Variants in ZNF626 observed in about 807,000 individuals in gnomAD.
ZNF626 encodes the protein zinc finger protein 626.
In ZNF626, 4 loss-of-function variants were observed where a neutral mutation model predicts 11.7. That is an observed-to-expected ratio of 0.34 (90% confidence interval 0.17 to 0.78). The LOEUF (loss-of-function observed/expected upper bound fraction) is 0.78. Among genes scored for constraint, ZNF626 ranks in the 30% least tolerant of loss-of-function variants. The probability of loss-of-function intolerance (pLI) is 0.57; values close to 1 mark genes in which losing one functional copy is unlikely to be tolerated. For missense variants in ZNF626, 588 were observed against 587.1 expected, an observed-to-expected ratio of 1.00 and a Z score of -0.01; for synonymous variants, 179 against 198.6, an observed-to-expected ratio of 0.90 and a Z score of 0.83.
chr19:20,633,879 C>T (rs1340228731), intron 3 of ZNF626, among the ~76,000 whole-genome samples: 6 of 152,198 alleles, frequency 3.9e-5, no homozygotes, highest in African/African-American at 9.7e-5. Context: ...TCTTCTATAT[C>T]GCTCACGTTG....
chr19:20,661,302 A>T (rs1568463906), intron 1 of ZNF626, 142 bp downstream of exon 1: 10 of 1,157,094 alleles, frequency 8.6e-6, no homozygotes, highest in Non-Finnish European at 1.3e-5. Context: ...GCTGAACAGG[A>T]CTGAGGCCGA....
intron 3 of ZNF626, among the ~76,000 whole-genome samples, chr19:20,638,601 A>C (rs1969990903): frequency 6.6e-6 from 1 of 152,086 alleles, no homozygotes; most frequent in African/African-American, 2.4e-5. Flanking sequence ...TGAAAATAGT[A>C]ACCACAATTG....
rs368612319 is a variant in ZNF626 at position 20,636,746 on chromosome 19, C to T, written c.226+8938G>A. Among the ~76,000 whole-genome samples, 18 of 152,316 alleles carry T rather than the reference C, an allele frequency of 1.2e-4. No homozygotes were observed. In the East Asian group the frequency reaches 3.3e-3, roughly 28 times the overall value. On this transcript the variant is annotated intron_variant, in intron 3 of 3. Coordinates refer to ENST00000601440, the MANE Select transcript of ZNF626 (RefSeq NM_001076675.3). ...ACAAGATATAATATACAGGGTTGTG[C>T]TCCCTGGCTCACGCCTGTAATCCCA...
intron 3 of ZNF626, among the ~76,000 whole-genome samples, chr19:20,633,072 T>C (rs1229396272): frequency 6.6e-6 from 1 of 152,170 alleles, no homozygotes; most frequent in Non-Finnish European, 1.5e-5. Context: ...TTTGCCTGGG[T>C]ATCAGCAGCG....
Position 20,624,137 on chromosome 19 carries a change from TAAGTTTAG to T in ZNF626, c.*145_*152del. ...CCAGTATGAAATCTCTTATGTGTAGTAAGTTTAGAGGAGTGCTTAAAGGCTTTGCCACA... is the reference window on the plus strand; with the variant it reads ...CCAGTATGAAATCTCTTATGTGTAGTAGGAGTGCTTAAAGGCTTTGCCACA... On this transcript the variant is annotated 3_prime_UTR_variant, in exon 4 of 4. Transcript: ENST00000601440. 8.0e-7 allele frequency: 1 copy of T among 1,251,318 alleles called. No individual in the cohort carries two copies. Among genetic ancestry groups the T allele is most frequent in the African/African-American group, 1.5e-5 (1 of 67,806 alleles). 77.5% of individuals were successfully genotyped at this position (1,251,318 alleles called of 1,614,324 possible).
intron 3 of ZNF626, among the ~76,000 whole-genome samples, chr19:20,641,117 C>G (rs1236209923): frequency 7.5e-6 from 1 of 134,010 alleles, no homozygotes; most frequent in Non-Finnish European, 1.5e-5. Flanking sequence ...GCGTGGGTGA[C>G]AGAGTGAGAC....
intron 1 of ZNF626, among the ~76,000 whole-genome samples, chr19:20,649,905 C>T (rs142380541): frequency 1.2e-4 from 19 of 152,318 alleles, no homozygotes; most frequent in East Asian, 7.7e-4. Context: ...CTTGTCACAA[C>T]CAAATACTTC....
intron 3 of ZNF626, among the ~76,000 whole-genome samples, chr19:20,631,018 C>CA (rs1410841981): frequency 6.6e-6 from 1 of 152,050 alleles, no homozygotes; most frequent in African/African-American, 2.4e-5. Flanking sequence ...TTTCTGCCTT[C>CA]ATTTCATTAT....
At chr19:20,630,127 G>A (rs1342192853) in intron 3 of ZNF626, among the ~76,000 whole-genome samples, 1 of 152,156 alleles carries the variant, frequency 6.6e-6, no homozygotes. Context: ...CAGGGATGAA[G>A]CCCATTTGAT....
Position 20,622,974 on chromosome 19 carries a change from G to A in ZNF626, c.*1316C>T, listed in dbSNP as rs557365084. On this transcript the variant is annotated 3_prime_UTR_variant, in exon 4 of 4. Coordinates refer to ENST00000601440, the MANE Select transcript of ZNF626 (RefSeq NM_001076675.3). ...TCTCCAATATAAGTTCTCTGATGTT[G>A]AGCAAAGCTTGAGCAACTGCTTCAG... The A allele has an allele frequency of 6.6e-6, 1 of 151,300 alleles. No individual in the cohort carries two copies. The highest frequency in any genetic ancestry group is 6.6e-5 in the Admixed American group (1 of 15,174). 9.4% of individuals were successfully genotyped at this position (151,300 alleles called of 1,614,324 possible).
Position 20,625,192 on chromosome 19 carries a change from A to T in ZNF626, c.685T>A (p.Tyr229Asn), listed in dbSNP as rs1969811972. 1 of 1,613,308 alleles carries T rather than the reference A, an allele frequency of 6.2e-7. No homozygotes were observed. The highest frequency in any genetic ancestry group is 8.5e-7 in the Non-Finnish European group (1 of 1,179,932). ...GCTTTGCCACATTCTTCACATTTGT[A>T]GGGTTTCTCTCCAGTATGAATTTTC... is the stretch of plus-strand genomic sequence containing the variant. ...HKKIHTGEKP[Y>N]KCEECGKAFK... is the part of the protein sequence containing the mutation. The change falls in exon 4 of 4, where the codon TAC becomes AAC. Residue 229 changes from tyrosine to asparagine, a missense_variant. Tyr to Asn is a moderately radical substitution (Grantham distance 143). Around this residue, in one of 4 missense-constraint regions of ZNF626, gnomAD observed 524 missense variants for 470.1 expected, o/e 1.11. Coordinates refer to ENST00000601440, the MANE Select transcript of ZNF626 (RefSeq NM_001076675.3).
chr19:20,659,782 A>G (rs1481732949), intron 1 of ZNF626, among the ~76,000 whole-genome samples: 5 of 151,926 alleles, frequency 3.3e-5, no homozygotes, highest in Non-Finnish European at 1.5e-5. Context: ...CCTCAAAACC[A>G]TAACAACTTC....
intron 3 of ZNF626, among the ~76,000 whole-genome samples, chr19:20,642,191 G>A (rs10423967): frequency 0.45 from 67,939 of 151,974 alleles, 16,442 homozygotes; most frequent in African/African-American, 0.63. Context: ...TGATAGACAC[G>A]TGCAATTTAT....
At chr19:20,645,160 T>C in intron 3 of ZNF626, 1 of 938,284 alleles carries the variant, frequency 1.1e-6, no homozygotes, top group Non-Finnish European at 1.4e-6. Flanking sequence ...ATGAGGAAAA[T>C]AACAAAGAGG....
At chr19:20,640,889 G>A (rs529010180) in intron 3 of ZNF626, among the ~76,000 whole-genome samples, 2 of 151,950 alleles carry the variant, frequency 1.3e-5, no homozygotes, top group African/African-American at 2.4e-5. Context: ...GCTCAAGCCC[G>A]TAATCCTAGC....
chr19:20,630,601 T>C (rs1455111896), intron 3 of ZNF626, among the ~76,000 whole-genome samples: 5 of 152,096 alleles, frequency 3.3e-5, no homozygotes, highest in Non-Finnish European at 7.3e-5. Flanking sequence ...TGGTAGTTTG[T>C]ATTTCTGTGG....
At position 20,631,290 on chromosome 19, in the gene ZNF626, C is replaced by A. The variant is rs1969902304; in HGVS notation, c.227-5640G>T. On this transcript the variant is annotated intron_variant, in intron 3 of 3. Transcript: ENST00000601440. ...AGAGTTCTATAAATGTCTATTAGGT[C>A]CTCTTGGTGCAGAGCTGAGTTCAAT... Among the ~76,000 whole-genome samples the A allele has an allele frequency of 2.6e-5, 4 of 152,016 alleles. No individual in the cohort carries two copies. In the South Asian group the frequency reaches 8.3e-4, roughly 32 times the overall value.
Position 20,661,539 on chromosome 19 carries a change from ACC to A in ZNF626, c.-95_-94del. ...CACAGCCTGGGCCTTTAGGAGAAGA[ACC>A]AGACCTGGAGCTCTGACTGCAGCGA... On this transcript the variant is annotated 5_prime_UTR_variant, in exon 1 of 4. Transcript: ENST00000601440. 46 of 1,479,466 alleles carry A rather than the reference ACC, an allele frequency of 3.1e-5. No individual in the cohort carries two copies. The highest frequency in any genetic ancestry group is 4.0e-5 in the Non-Finnish European group (43 of 1,075,500). The allele number at this position is 1,479,466 out of a possible 1,614,324, so 91.6% of individuals were successfully genotyped here.
Position 20,636,581 on chromosome 19 carries a change from T to C in ZNF626, c.226+9103A>G, listed in dbSNP as rs938837671. ...ATTTAAAAAAAAAAAGCTGAGAACT[T>C]CCCAAATTTTGATGTAACAACAACA... On this transcript the variant is annotated intron_variant, in intron 3 of 3. Coordinates refer to ENST00000601440, the MANE Select transcript of ZNF626 (RefSeq NM_001076675.3). Among the ~76,000 whole-genome samples the C allele has an allele frequency of 3.3e-5, 5 of 151,516 alleles. No homozygotes were observed. In the East Asian group the frequency reaches 9.7e-4, roughly 29 times the overall value.
Sources: gnomAD v4.1 joint callset for allele counts (sites outside exome capture counted in the v4.1 genomes callset) on GRCh38, gnomAD v4.1.1 for gene constraint, gnomAD v4.1.1 regional missense constraint, MANE v1.5 for transcripts, NCBI Gene and HGNC (gene_info 2026-07-23, HGNC 2026-07-21) for gene names.